CCDC85C: variants seen among roughly 807,000 people sequenced by gnomAD.
CCDC85C encodes the protein coiled-coil domain containing 85C.
CCDC85C carries 18 observed loss-of-function variants against 38.3 expected under a neutral mutation model. The observed-to-expected ratio is 0.47, with a 90% CI of 0.33 to 0.70. The LOEUF (loss-of-function observed/expected upper bound fraction) is 0.70. Ranked by LOEUF, CCDC85C falls within the 30% of genes least tolerant of loss-of-function variation. CCDC85C has a pLI of 0.03. For missense variants in CCDC85C, 566 were observed against 621.2 expected, an observed-to-expected ratio of 0.91 and a Z score of 0.94; for synonymous variants, 264 against 293.8, an observed-to-expected ratio of 0.90 and a Z score of 1.04.
At chr14:99,577,801 G>GTT (rs1898518604) in intron 1 of CCDC85C, among the ~76,000 whole-genome samples, 1 of 142,916 alleles carries the variant, frequency 7.0e-6, no homozygotes, top group Admixed American at 6.9e-5. Flanking sequence ...CCATCAGTGT[G>GTT]TGTGTGTGTG....
intron 1 of CCDC85C, among the ~76,000 whole-genome samples, chr14:99,575,855 C>A (rs10135037): frequency 6.6e-6 from 1 of 152,158 alleles, no homozygotes. Context: ...CGCTGCTACA[C>A]GGACTAACCC....
In CCDC85C at chr14:99,502,335, G is replaced by T. The variant is rs1896852611; in HGVS notation, c.*12911C>A. 1 of 1,613,632 alleles carries T rather than the reference G, an allele frequency of 6.2e-7. No individual in the cohort carries two copies. The highest frequency in any genetic ancestry group is 1.7e-5 in the Admixed American group (1 of 59,962). ...TCCAAACCCATGTATAGGAGATGGT[G>T]GGAGCAGTTTGTTCAAGATGTCCCG... On this transcript the variant is annotated 3_prime_UTR_variant, in exon 6 of 6. Transcript: ENST00000380243.
intron 2 of CCDC85C, among the ~76,000 whole-genome samples, chr14:99,532,452 G>A (rs932365615): frequency 6.6e-6 from 1 of 152,222 alleles, no homozygotes; most frequent in Admixed American, 6.5e-5. Context: ...GGGTGAGACT[G>A]GCCTGCCAGC....
chr14:99,603,249 G>A lies in CCDC85C; in HGVS notation c.711C>T (p.Asp237=), dbSNP rs1225186570. Residue 237 remains aspartate (D), a synonymous_variant, in exon 1 of 6, where the codon GAC becomes GAT. Coordinates refer to ENST00000380243, the MANE Select transcript of CCDC85C (RefSeq NM_001144995.2). This position sits in a 1 kb window ranked among gnomAD's most constrained non-coding sequence, Gnocchi z 7.5. The stretch of plus-strand genomic sequence containing the variant: ...ACCGACGTGTGGCTCCTGCCTTGCC[G>A]TCGGGGGCCTTGTGCGGCCCGGGGG... ...LLPPGPHKAP[D]GKAGATRRSL... 2 of 1,396,610 alleles carry A rather than the reference G, an allele frequency of 1.4e-6. No individual in the cohort carries two copies. The highest frequency in any genetic ancestry group is 1.5e-5 in the African/African-American group (1 of 66,086). The allele number at this position is 1,396,610 out of a possible 1,614,324, so 86.5% of individuals were successfully genotyped here.
Position 99,604,147 on chromosome 14 carries a change from GT to G in CCDC85C, c.-189del, listed in dbSNP as rs1311211618. ...CGCCCGGGAGCCCGCGCGCCTCGGG[GT>G]TGACGAGCGGAGGCGGCTGCTGCGT... On this transcript the variant is annotated 5_prime_UTR_variant, in exon 1 of 6. Transcript: ENST00000380243. 2 of 398,962 alleles carry G rather than the reference GT, an allele frequency of 5.0e-6. No homozygotes were observed. The highest frequency in any genetic ancestry group is 6.7e-6 in the Non-Finnish European group (2 of 296,568). The allele number at this position is 398,962 out of a possible 1,614,324, so 24.7% of individuals were successfully genotyped here. A position where few individuals can be genotyped will look rare whatever the true frequency, so the allele number is the denominator to read the frequency against.
In CCDC85C at chr14:99,588,570, C is replaced by T. The variant is rs2055051191; in HGVS notation, c.793+14597G>A. On this transcript the variant is annotated intron_variant, in intron 1 of 5. Coordinates refer to ENST00000380243, the MANE Select transcript of CCDC85C (RefSeq NM_001144995.2). This position sits in a 1 kb window ranked among gnomAD's most constrained non-coding sequence, Gnocchi z 5.0. ...TTTATTCTGCTCCTGCTGGCGATGGCGCTGGCCCGGGAGGCCTGAGGAAGC... is the reference window on the plus strand; with the variant it reads ...TTTATTCTGCTCCTGCTGGCGATGGTGCTGGCCCGGGAGGCCTGAGGAAGC... Among the ~76,000 whole-genome samples the T allele has an allele frequency of 1.3e-5, 2 of 152,104 alleles. No individual in the cohort carries two copies. The highest frequency in any genetic ancestry group is 4.8e-5 in the African/African-American group (2 of 41,428).
At chr14:99,597,480 T>C (rs951034799) in intron 1 of CCDC85C, among the ~76,000 whole-genome samples, 4 of 152,104 alleles carry the variant, frequency 2.6e-5, no homozygotes. Flanking sequence ...CCTCAGTGGA[T>C]TCAGGAATGC....
Position 99,515,025 on chromosome 14 carries a change from G to C in CCDC85C, c.*221C>G. The C allele has an allele frequency of 3.9e-6, 2 of 506,526 alleles. No homozygotes were observed. Among genetic ancestry groups the C allele is most frequent in the Admixed American group, 3.5e-5 (1 of 28,516 alleles). 31.4% of individuals were successfully genotyped at this position (506,526 alleles called of 1,614,324 possible). On this transcript the variant is annotated 3_prime_UTR_variant, in exon 6 of 6. Coordinates refer to ENST00000380243, the MANE Select transcript of CCDC85C (RefSeq NM_001144995.2). Reference sequence around the variant, plus strand: ...GCTCTGCTGCAGGAACAGTCGCAGCGTCTCGTCTTCCCAGGTTGCTGGTGT... The same window carrying C: ...GCTCTGCTGCAGGAACAGTCGCAGCCTCTCGTCTTCCCAGGTTGCTGGTGT...
In CCDC85C at chr14:99,515,312, A is replaced by G. The variant is rs1359020447; in HGVS notation, c.1194T>C (p.Asp398=). The G allele has an allele frequency of 6.4e-7, 1 of 1,550,766 alleles. No individual in the cohort carries two copies. Among genetic ancestry groups the G allele is most frequent in the South Asian group, 1.2e-5 (1 of 84,064 alleles). ...MCNVVWRKLG[D]AASSKPSIRQ... Reference sequence around the variant, plus strand: ...GTATGGAGGGCTTGGAGCTGGCTGCATCTCCCAGCTTTCTCCAGACCACCT... The same window carrying G: ...GTATGGAGGGCTTGGAGCTGGCTGCGTCTCCCAGCTTTCTCCAGACCACCT... Residue 398 remains aspartate, a synonymous_variant, in exon 6 of 6, where the codon GAT becomes GAC. Transcript: ENST00000380243.
chr14:99,586,098 G>C (rs774084362), intron 1 of CCDC85C, among the ~76,000 whole-genome samples: 3 of 152,218 alleles, frequency 2.0e-5, no homozygotes, highest in Non-Finnish European at 4.4e-5. Context: ...TCCAAGGAGG[G>C]GGCACCTGGC....
At chr14:99,527,893 C>T (rs1279425397) in intron 2 of CCDC85C, among the ~76,000 whole-genome samples, 3 of 152,228 alleles carry the variant, frequency 2.0e-5, no homozygotes, top group Non-Finnish European at 2.9e-5. Flanking sequence ...CCTGCAGAGG[C>T]GGGAGGACCC....
At chr14:99,566,502 G>C (rs1898218620) in intron 1 of CCDC85C, among the ~76,000 whole-genome samples, 1 of 152,152 alleles carries the variant, frequency 6.6e-6, no homozygotes, top group East Asian at 1.9e-4. Flanking sequence ...CATCCGGAGA[G>C]GTGGGGCTTC....
intron 1 of CCDC85C, among the ~76,000 whole-genome samples, chr14:99,584,029 C>A (rs897322817): frequency 3.9e-5 from 6 of 151,910 alleles, no homozygotes; most frequent in Non-Finnish European, 7.4e-5. Context: ...GAAGGGTATG[C>A]AGGAGCCCTT....
At chr14:99,567,338 G>A (rs1898235758) in intron 1 of CCDC85C, among the ~76,000 whole-genome samples, 1 of 152,184 alleles carries the variant, frequency 6.6e-6, no homozygotes, top group Non-Finnish European at 1.5e-5. Context: ...TCGCCCCAGG[G>A]GGGTCACAGG....
rs1177568942 is a variant in CCDC85C at position 99,501,934 on chromosome 14, A to G, written c.*13312T>C. On this transcript the variant is annotated 3_prime_UTR_variant, in exon 6 of 6. Coordinates refer to ENST00000380243, the MANE Select transcript of CCDC85C (RefSeq NM_001144995.2). ...AGTGGCTAGGATTTCAACAGTTTAA[A>G]TAACATAAGTCATTTTCATTGGTGT... 2 of 298,458 alleles carry G rather than the reference A, an allele frequency of 6.7e-6. No homozygotes were observed. Among genetic ancestry groups the G allele is most frequent in the Non-Finnish European group, 1.2e-5 (2 of 162,756 alleles). 18.5% of individuals were successfully genotyped at this position (298,458 alleles called of 1,614,324 possible).
chr14:99,515,725 C>A (rs1233513168), intron 5 of CCDC85C, among the ~76,000 whole-genome samples: 1 of 152,148 alleles, frequency 6.6e-6, no homozygotes, highest in African/African-American at 2.4e-5. Context: ...TGGTGCTCAG[C>A]TGGGTCGAGC....
rs1445279854 is a variant in CCDC85C at position 99,506,889 on chromosome 14, G to A, written c.*8357C>T. On this transcript the variant is annotated 3_prime_UTR_variant, in exon 6 of 6. Transcript: ENST00000380243. ...CTCGCAGGTCTTTTGGAGGGAGGTG[G>A]CATTTAATTTGTTAACAGGATTCAT... 5.3e-6 allele frequency: 3 copies of A among 570,970 alleles called. No individual in the cohort carries two copies. The highest frequency in any genetic ancestry group is 5.8e-5 in the Admixed American group (2 of 34,270). 35.4% of individuals were successfully genotyped at this position (570,970 alleles called of 1,614,324 possible).
chr14:99,554,448 C>T (rs1028087769), intron 1 of CCDC85C, among the ~76,000 whole-genome samples: 1 of 152,250 alleles, frequency 6.6e-6, no homozygotes, highest in African/African-American at 2.4e-5. Flanking sequence ...TCCTGCAGGG[C>T]TGTGTCTGGC....
At chr14:99,528,687 C>A (rs1184117821) in intron 2 of CCDC85C, among the ~76,000 whole-genome samples, 1 of 152,272 alleles carries the variant, frequency 6.6e-6, no homozygotes, top group Non-Finnish European at 1.5e-5. Flanking sequence ...CACGCCCTAT[C>A]TGGCCCCCTG....
Sources: gnomAD v4.1 joint callset for allele counts (sites outside exome capture counted in the v4.1 genomes callset) on GRCh38, gnomAD v4.1.1 for gene constraint, Gnocchi (gnomAD v3.1) non-coding constraint, MANE v1.5 for transcripts, NCBI Gene and HGNC (gene_info 2026-07-23, HGNC 2026-07-21) for gene names.